Variants in CAMK2D observed in about 807,000 individuals in gnomAD.
CAMK2D encodes the protein calcium/calmodulin dependent protein kinase II delta.
In CAMK2D, 37 loss-of-function variants were observed where a neutral mutation model predicts 84.0. That is an observed-to-expected ratio of 0.44 (90% CI 0.34 to 0.58). The LOEUF (loss-of-function observed/expected upper bound fraction) is 0.58. CAMK2D is among the 20% of genes least tolerant of loss of function. The pLI is 0.02. For missense variants in CAMK2D, 448 were observed against 652.5 expected (o/e 0.69, Z 3.41); for synonymous variants, 202 against 212.5 (o/e 0.95, Z 0.43).
chr4:113,601,568 T>C lies in CAMK2D; in HGVS notation c.275+7584A>G, dbSNP rs926090997. Among the ~76,000 whole-genome samples the C allele has an allele frequency of 3.3e-5, 5 of 152,114 alleles. No homozygotes were observed. The South Asian group carries it at 6.2e-4, about 19-fold the overall frequency. ...ATTTCATTTTAAAATAGCCCAGATG[T>C]TTTGATTCAAACAAAATTCCATTTT... On this transcript the variant is annotated intron_variant, in intron 4 of 20. Coordinates refer to ENST00000511664, the MANE Select transcript of CAMK2D (RefSeq NM_001321571.2).
chr4:113,464,540 T>C (rs2097433235), intron 17 of CAMK2D, among the ~76,000 whole-genome samples: 1 of 152,246 alleles, frequency 6.6e-6, no homozygotes, highest in African/African-American at 2.4e-5. Context: ...TTTAAGTCTT[T>C]CACTGGGGTG....
At chr4:113,664,896 C>T (rs527849091) in intron 2 of CAMK2D, among the ~76,000 whole-genome samples, 55 of 152,196 alleles carry the variant, frequency 3.6e-4, no homozygotes, top group Non-Finnish European at 6.9e-4. Context: ...CTCCACCCCC[C>T]GGGTTCAAGC....
At chr4:113,459,322 T>G (rs1457339073) in intron 18 of CAMK2D, among the ~76,000 whole-genome samples, 2 of 152,100 alleles carry the variant, frequency 1.3e-5, no homozygotes, top group Admixed American at 1.3e-4. Context: ...GGGCTCAAAG[T>G]GATCTCTCAT....
intron 3 of CAMK2D, among the ~76,000 whole-genome samples, chr4:113,620,148 A>G (rs2099039441): frequency 6.6e-6 from 1 of 152,106 alleles, no homozygotes; most frequent in South Asian, 2.1e-4. Flanking sequence ...TTGAAGGAGG[A>G]GGTGTTAACT....
chr4:113,749,162 G>T (rs1472434533), intron 2 of CAMK2D, among the ~76,000 whole-genome samples: 1 of 151,050 alleles, frequency 6.6e-6, no homozygotes, highest in Non-Finnish European at 1.5e-5. Flanking sequence ...TAAATAGAAT[G>T]TAATATATAA....
intron 4 of CAMK2D, among the ~76,000 whole-genome samples, chr4:113,577,676 G>A (rs2098789942): frequency 6.6e-6 from 1 of 151,134 alleles, no homozygotes; most frequent in African/African-American, 2.4e-5. Flanking sequence ...TTAGTGAGTG[G>A]TTCTTTAATG....
chr4:113,471,694 G>A (rs2154118560), intron 16 of CAMK2D, among the ~76,000 whole-genome samples: 1 of 152,178 alleles, frequency 6.6e-6, no homozygotes, highest in East Asian at 1.9e-4. Context: ...GCTCTCGGAA[G>A]TTCCTGACCC....
intron 2 of CAMK2D, among the ~76,000 whole-genome samples, chr4:113,706,031 A>G (rs1389127232): frequency 6.6e-6 from 1 of 152,200 alleles, no homozygotes; most frequent in Middle Eastern, 3.2e-3. Context: ...ATTGCTCCTC[A>G]TGAGTAAAGG....
At chr4:113,639,804 T>C (rs1645095210) in intron 3 of CAMK2D, among the ~76,000 whole-genome samples, 1 of 151,872 alleles carries the variant, frequency 6.6e-6, no homozygotes, top group Admixed American at 6.6e-5. Flanking sequence ...ACTCAAAATA[T>C]AAAGGACTTT....
intron 16 of CAMK2D, among the ~76,000 whole-genome samples, chr4:113,492,439 T>C (rs2097857379): frequency 6.6e-6 from 1 of 152,218 alleles, no homozygotes. Flanking sequence ...AGTTTCCATG[T>C]AGTTGAGCGG....
At chr4:113,603,455 G>A (rs1382925808) in intron 4 of CAMK2D, among the ~76,000 whole-genome samples, 2 of 139,376 alleles carry the variant, frequency 1.4e-5, no homozygotes, top group Non-Finnish European at 3.0e-5. Context: ...GATAAAATTG[G>A]AAATCATCAT....
At chr4:113,647,083 T>G (rs867032827) in intron 3 of CAMK2D, among the ~76,000 whole-genome samples, 2 of 152,232 alleles carry the variant, frequency 1.3e-5, no homozygotes, top group Admixed American at 6.5e-5. Flanking sequence ...TGATTCAGAT[T>G]AATTGGGGAA....
chr4:113,624,794 T>C (rs1651931367), intron 3 of CAMK2D, among the ~76,000 whole-genome samples: 1 of 152,216 alleles, frequency 6.6e-6, no homozygotes, highest in Non-Finnish European at 1.5e-5. Context: ...GATAAGCCCA[T>C]AATTTTGTAA....
intron 3 of CAMK2D, among the ~76,000 whole-genome samples, chr4:113,620,105 G>T (rs578154066): frequency 1.3e-5 from 2 of 152,292 alleles, no homozygotes; most frequent in East Asian, 1.9e-4. Context: ...GTTTCTCAAA[G>T]ATAGGGTTGG....
chr4:113,509,510 C>T, intron 13 of CAMK2D, 128 bp downstream of exon 13: 1 of 638,282 alleles, frequency 1.6e-6, no homozygotes, highest in East Asian at 2.8e-5. Flanking sequence ...TTTCATATTT[C>T]AACCTGCAAC....
intron 2 of CAMK2D, among the ~76,000 whole-genome samples, chr4:113,738,084 G>A (rs998191843): frequency 1.3e-5 from 2 of 151,938 alleles, no homozygotes; most frequent in South Asian, 2.1e-4. Context: ...ACCAAATTGC[G>A]TATGGTCATC....
chr4:113,680,541 G>A (rs983683550), intron 2 of CAMK2D, among the ~76,000 whole-genome samples: 14 of 151,238 alleles, frequency 9.3e-5, no homozygotes, highest in African/African-American at 3.4e-4. Context: ...TAGGACATGA[G>A]CTTAAAAAAA....
chr4:113,743,665 T>C (rs948351797), intron 2 of CAMK2D, among the ~76,000 whole-genome samples: 1 of 152,108 alleles, frequency 6.6e-6, no homozygotes, highest in Non-Finnish European at 1.5e-5. Context: ...GCCCACAACC[T>C]CCTCATCTGT....
intron 16 of CAMK2D, among the ~76,000 whole-genome samples, chr4:113,480,734 G>A (rs982763913): frequency 4.6e-5 from 7 of 152,052 alleles, no homozygotes; most frequent in Non-Finnish European, 1.0e-4. Context: ...CCAGCTACTC[G>A]GGAGTCTGAG....
Sources: gnomAD v4.1 joint callset for allele counts (sites outside exome capture counted in the v4.1 genomes callset) on GRCh38, gnomAD v4.1.1 for gene constraint, MANE v1.5 for transcripts, NCBI Gene and HGNC (gene_info 2026-07-23, HGNC 2026-07-21) for gene names.